PCDH12: variants seen among roughly 807,000 people sequenced by gnomAD.
PCDH12 encodes the protein protocadherin-12.
PCDH12 carries 45 observed loss-of-function variants against 70.9 expected under a neutral mutation model. That is an observed-to-expected ratio of 0.63 (90% CI 0.50 to 0.81). The LOEUF (loss-of-function observed/expected upper bound fraction) is 0.81, where lower values mean the gene tolerates loss of function less well. Among genes scored for constraint, PCDH12 ranks in the 40% least tolerant of loss-of-function variants. The pLI is 0.00. For missense variants in PCDH12, 1,370 were observed against 1,491.7 expected (o/e 0.92, Z 1.34); for synonymous variants, 567 against 626.0 (o/e 0.91, Z 1.41).
rs1478661271 is a variant in PCDH12 at position 141,956,562 on chromosome 5, CAG to C, written c.1288_1289del (p.Leu430ValfsTer22). The C allele has an allele frequency of 6.2e-7, 1 of 1,614,064 alleles. No homozygotes were observed. The highest frequency in any genetic ancestry group is 2.2e-5 in the East Asian group (1 of 44,890). On this transcript the variant is annotated frameshift_variant, in exon 1 of 4. Coordinates refer to ENST00000231484, the MANE Select transcript of PCDH12 (RefSeq NM_016580.4). LOFTEE classifies it high-confidence loss of function. ...REQWPKYTLT[L>X]LAQDQGLQPL... ...GCTGGAGTCCTTGGTCTTGGGCTAA[CAG>C]AGTGAGGGTATATTTGGGCCACTGC...
In PCDH12 at chr5:141,943,896, A is replaced by G. The variant is rs1215519438; in HGVS notation, c.*1485T>C. 5 of 152,318 alleles carry G rather than the reference A, an allele frequency of 3.3e-5. No homozygotes were observed. Among genetic ancestry groups the G allele is most frequent in the African/African-American group, 9.6e-5 (4 of 41,570 alleles). 9.4% of individuals were successfully genotyped at this position (152,318 alleles called of 1,614,324 possible). On this transcript the variant is annotated 3_prime_UTR_variant, in exon 4 of 4. Transcript: ENST00000231484. ...ATCTGTAAAATGGAATAATGATACC[A>G]CACTGTATTCCAAGTATGTATGATG...
In PCDH12 at chr5:141,949,599, A is replaced by G. The variant is rs377108180; in HGVS notation, c.2979-16T>C. 5 of 1,611,882 alleles carry G rather than the reference A, an allele frequency of 3.1e-6. No homozygotes were observed. The African/African-American group carries it at 6.7e-5, about 22-fold the overall frequency. ...GATTGCACTCCTGCAAAAGAAACCA[A>G]CCAGTCCATGGGTAGGGACATTCCC... On this transcript the variant is annotated splice_polypyrimidine_tract_variant and intron_variant, in intron 2 of 3. Transcript: ENST00000231484.
chr5:141,947,736 C>T (rs572056235), intron 3 of PCDH12, among the ~76,000 whole-genome samples: 5 of 152,334 alleles, frequency 3.3e-5, no homozygotes, highest in Middle Eastern at 3.4e-3. Context: ...AATCTGAATC[C>T]GAAGCAGCAA....
chr5:141,957,959 C>A lies in PCDH12; in HGVS notation c.-108G>T. On this transcript the variant is annotated 5_prime_UTR_variant, in exon 1 of 4. Transcript: ENST00000231484. The surrounding 1 kb of genome is among the most constrained non-coding windows in gnomAD (Gnocchi z 4.3). ...TTGATCAGCCCCGTGCTCCTTCCCCCAGAGCTGCCGGCACAACCTTGTCCC... is the reference window on the plus strand; with the variant it reads ...TTGATCAGCCCCGTGCTCCTTCCCCAAGAGCTGCCGGCACAACCTTGTCCC... 4 of 1,307,030 alleles carry A rather than the reference C, an allele frequency of 3.1e-6. No homozygotes were observed. Among genetic ancestry groups the A allele is most frequent in the Non-Finnish European group, 3.1e-6 (3 of 959,754 alleles). The allele number at this position is 1,307,030 out of a possible 1,614,324, so 81.0% of individuals were successfully genotyped here.
chr5:141,950,194 A>C (rs2126920496), intron 2 of PCDH12, among the ~76,000 whole-genome samples: 1 of 152,238 alleles, frequency 6.6e-6, no homozygotes, highest in Admixed American at 6.5e-5. Flanking sequence ...AGCTGCTCAG[A>C]ATCTGCTACC....
rs1753025150 is a variant in PCDH12, at chr5:141,949,330, A to C, written c.3130+102T>G. 3 of 1,492,610 alleles carry C rather than the reference A, an allele frequency of 2.0e-6. No homozygotes were observed. In the East Asian group the frequency reaches 7.2e-5, roughly 36 times the overall value. The allele number at this position is 1,492,610 out of a possible 1,614,324, so 92.5% of individuals were successfully genotyped here. A position where few individuals can be genotyped will look rare whatever the true frequency, so the allele number is the denominator to read the frequency against. On this transcript the variant is annotated intron_variant, in intron 3 of 3. Transcript: ENST00000231484. ...TTAAATGTTGCTGATGTTCCTCCAC[A>C]GAAACAGAATGGCTTTTCCCTGCAG...
In PCDH12 at chr5:141,956,699, G is replaced by A. The variant is rs164075; in HGVS notation, c.1153C>T (p.His385Tyr). ...AGCCAGCAGTGGACCAAACCATTGTGTCCTGAATCCAAGTCATCTGCCATG... is the reference window on the plus strand; with the variant it reads ...AGCCAGCAGTGGACCAAACCATTGTATCCTGAATCCAAGTCATCTGCCATG... The part of the protein sequence containing the change: ...LVMADDLDSG[H>Y]NGLVHCWLSQ... The change falls in exon 1 of 4, where the codon CAC becomes TAC. Residue 385 changes from histidine (H) to tyrosine (Y), a missense_variant. Transcript: ENST00000231484. 55 of 1,614,072 alleles carry A rather than the reference G, an allele frequency of 3.4e-5. No homozygotes were observed. The Admixed American group carries it at 8.7e-4, about 25-fold the overall frequency.
intron 3 of PCDH12, among the ~76,000 whole-genome samples, chr5:141,948,239 C>A (rs967650740): frequency 1.3e-5 from 2 of 152,144 alleles, no homozygotes; most frequent in African/African-American, 2.4e-5. Flanking sequence ...TAATGAATAG[C>A]CCCTATCTCA....
chr5:141,944,150 C>T lies in PCDH12; in HGVS notation c.*1231G>A, dbSNP rs1214105731. The T allele has an allele frequency of 6.6e-6, 1 of 152,228 alleles. No individual in the cohort carries two copies. 9.4% of individuals were successfully genotyped at this position (152,228 alleles called of 1,614,324 possible). A position where few individuals can be genotyped will look rare whatever the true frequency, so the allele number is the denominator to read the frequency against. ...ATCTGCTGTTTCTTCCCTCCCCCAT[C>T]CCCTGGAAGGCTGGCTGCTGTCAGT... On this transcript the variant is annotated 3_prime_UTR_variant, in exon 4 of 4. Coordinates refer to ENST00000231484, the MANE Select transcript of PCDH12 (RefSeq NM_016580.4).
At position 141,957,969 on chromosome 5, in the gene PCDH12, G is replaced by T; in HGVS notation, c.-118C>A. On this transcript the variant is annotated 5_prime_UTR_variant, in exon 1 of 4. Transcript: ENST00000231484. The surrounding 1 kb of genome is among the most constrained non-coding windows in gnomAD (Gnocchi z 4.3). ...CCGTGCTCCTTCCCCCAGAGCTGCC[G>T]GCACAACCTTGTCCCATAGTTAGAT... 8.5e-7 allele frequency: 1 copy of T among 1,181,022 alleles called. No homozygotes were observed. The highest frequency in any genetic ancestry group is 1.2e-6 in the Non-Finnish European group (1 of 848,880). 73.2% of individuals were successfully genotyped at this position (1,181,022 alleles called of 1,614,324 possible).
At position 141,955,546 on chromosome 5, in the gene PCDH12, T is replaced by A. The variant is rs369582355; in HGVS notation, c.2306A>T (p.His769Leu). The A allele has an allele frequency of 1.9e-6, 3 of 1,614,120 alleles. No homozygotes were observed. The highest frequency in any genetic ancestry group is 2.2e-5 in the East Asian group (1 of 44,864). The change falls in exon 1 of 4, where the codon CAC becomes CTC. Residue 769 changes from histidine (H) to leucine (L), a missense_variant. Physicochemically the swap from His to Leu is moderately conservative, Grantham distance 99. Coordinates refer to ENST00000231484, the MANE Select transcript of PCDH12 (RefSeq NM_016580.4). This position sits in a 1 kb window ranked among gnomAD's most constrained non-coding sequence, Gnocchi z 5.5. Reference sequence around the variant, plus strand: ...GAGGTGGATGTCTGCCTTCTGAATGTGTTTCTGGGGCCTCTTGGGCTGCTG... The same window carrying A: ...GAGGTGGATGTCTGCCTTCTGAATGAGTTTCTGGGGCCTCTTGGGCTGCTG... ...YRQQPKRPQKHIQKADIHLVP... is the reference protein window; with the variant it reads ...YRQQPKRPQKLIQKADIHLVP...
rs975908940 is a variant in PCDH12, at chr5:141,945,031, C to T, written c.*350G>A. ...TCCTGGCACCCCCAGGGTACAGCCC[C>T]CTGACTCCTGCTACCCAAGAAGGCC... On this transcript the variant is annotated 3_prime_UTR_variant, in exon 4 of 4. Transcript: ENST00000231484. 4 of 289,266 alleles carry T rather than the reference C, an allele frequency of 1.4e-5. No individual in the cohort carries two copies. The highest frequency in any genetic ancestry group is 2.2e-5 in the African/African-American group (1 of 45,588). The allele number at this position is 289,266 out of a possible 1,614,324, so 17.9% of individuals were successfully genotyped here.
Position 141,951,768 on chromosome 5 carries a change from GTCC to G in PCDH12, c.2881-181_2881-179del, listed in dbSNP as rs1182257257. 4.7e-4 allele frequency among the ~76,000 whole-genome samples: 71 copies of G among 152,372 alleles called. 1 individual carries two copies. The South Asian group carries it at 0.013, about 28-fold the overall frequency. On this transcript the variant is annotated intron_variant, in intron 1 of 3. Coordinates refer to ENST00000231484, the MANE Select transcript of PCDH12 (RefSeq NM_016580.4). Reference sequence around the variant, plus strand: ...CAGAGACAGGGACCTGGGCGGGCAGGTCCCCTGCTCTGTCATGTCACCCCAGGA... The same window carrying G: ...CAGAGACAGGGACCTGGGCGGGCAGGCCTGCTCTGTCATGTCACCCCAGGA...
At chr5:141,953,618 G>A (rs566296791) in intron 1 of PCDH12, among the ~76,000 whole-genome samples, 7 of 152,310 alleles carry the variant, frequency 4.6e-5, no homozygotes, top group East Asian at 1.9e-4. Flanking sequence ...TCACCTCAGC[G>A]GGGTCACCCA....
At position 141,955,053 on chromosome 5, in the gene PCDH12, C is replaced by T; in HGVS notation, c.2799G>A (p.Arg933=). The T allele has an allele frequency of 6.2e-7, 1 of 1,614,238 alleles. No homozygotes were observed. Among genetic ancestry groups the T allele is most frequent in the African/African-American group, 1.3e-5 (1 of 75,068 alleles). Reference sequence around the variant, plus strand: ...CAGCCACAGACAGCCGGACCAGGCTCCGCAGGATCTGACGGGGCCCTGATT... The same window carrying T: ...CAGCCACAGACAGCCGGACCAGGCTTCGCAGGATCTGACGGGGCCCTGATT... The part of the protein sequence containing the change: ...EKESGPRQIL[R]SLVRLSVAAF... Residue 933 remains arginine (R), a synonymous_variant, in exon 1 of 4, where the codon CGG becomes CGA. Transcript: ENST00000231484. This position sits in a 1 kb window ranked among gnomAD's most constrained non-coding sequence, Gnocchi z 5.5.
rs779903987 is a variant in PCDH12 at position 141,945,576 on chromosome 5, C to T, written c.3360G>A (p.Leu1120=). 4 of 1,614,104 alleles carry T rather than the reference C, an allele frequency of 2.5e-6. No homozygotes were observed. The South Asian group carries it at 4.4e-5, about 18-fold the overall frequency. ...VSEMSSLLEM[L]LEQRSSMPVE... Reference sequence around the variant, plus strand: ...CGGGCATGCTGGAGCGCTGTTCCAGCAGCATCTCCAGCAGTGAGCTCATCT... The same window carrying T: ...CGGGCATGCTGGAGCGCTGTTCCAGTAGCATCTCCAGCAGTGAGCTCATCT... The change falls in exon 4 of 4, where the codon CTG becomes CTA. Residue 1120 remains leucine (L), a synonymous_variant. Coordinates refer to ENST00000231484, the MANE Select transcript of PCDH12 (RefSeq NM_016580.4).
At position 141,955,265 on chromosome 5, in the gene PCDH12, G is replaced by T. The variant is rs773668098; in HGVS notation, c.2587C>A (p.Leu863Met). 6.2e-7 allele frequency: 1 copy of T among 1,614,208 alleles called. No individual in the cohort carries two copies. Among genetic ancestry groups the T allele is most frequent in the South Asian group, 1.1e-5 (1 of 91,080 alleles). Reference sequence around the variant, plus strand: ...GCAGGCTGGGGCTCGGGAAGGTTCAGGTTCTCCCGGGAGGCATTCCTCTGC... The same window carrying T: ...GCAGGCTGGGGCTCGGGAAGGTTCATGTTCTCCCGGGAGGCATTCCTCTGC... ...PRQRNASREN[L>M]NLPEPQPATG... Residue 863 changes from leucine to methionine, a missense_variant, in exon 1 of 4, where the codon CTG becomes ATG. Leu to Met is a conservative substitution (Grantham distance 15, BLOSUM62 2). Transcript: ENST00000231484. The surrounding 1 kb of genome is among the most constrained non-coding windows in gnomAD (Gnocchi z 5.5).
chr5:141,947,226 C>G (rs915730336), intron 3 of PCDH12, among the ~76,000 whole-genome samples: 1 of 152,194 alleles, frequency 6.6e-6, no homozygotes, highest in African/African-American at 2.4e-5. Context: ...CTACTGGATC[C>G]TTGGGTTTAG....
In PCDH12 at chr5:141,955,349, G is replaced by A; in HGVS notation, c.2503C>T (p.Pro835Ser). The change falls in exon 1 of 4, where the codon CCG becomes TCG. Residue 835 changes from proline to serine, a missense_variant. Pro to Ser is a moderately conservative substitution (Grantham distance 74, BLOSUM62 -1). Transcript: ENST00000231484. The surrounding 1 kb of genome is among the most constrained non-coding windows in gnomAD (Gnocchi z 5.5). ...TLRNQGNQGA[P>S]AESREVLQDT... ...TGCAGCACCTCTCGGCTCTCCGCCG[G>A]TGCTCCCTGGTTGCCTTGATTACGC... is the stretch of plus-strand genomic sequence containing the variant. 1.2e-6 allele frequency: 2 copies of A among 1,614,144 alleles called. No homozygotes were observed. Among genetic ancestry groups the A allele is most frequent in the African/African-American group, 1.3e-5 (1 of 75,044 alleles).
Sources: gnomAD v4.1 joint callset for allele counts (sites outside exome capture counted in the v4.1 genomes callset) on GRCh38, gnomAD v4.1.1 for gene constraint, Gnocchi (gnomAD v3.1) non-coding constraint, MANE v1.5 for transcripts, NCBI Gene and HGNC (gene_info 2026-07-23, HGNC 2026-07-21) for gene names.